CCDC47: variants seen among roughly 807,000 people sequenced by gnomAD.
The protein encoded by CCDC47 is PAT complex subunit CCDC47.
A neutral mutation model predicts 60.5 loss-of-function variants in CCDC47; 41 were observed. The ratio of observed to expected loss-of-function variants is 0.68; its 90% confidence interval spans 0.53 to 0.88. The LOEUF is 0.88. Among genes scored for constraint, CCDC47 ranks in the 40% least tolerant of loss-of-function variants. CCDC47 has a pLI of 0.00. For synonymous variants in CCDC47, 195 were observed against 190.7 expected (o/e 1.02, Z -0.18); for missense variants, 513 against 580.9 (o/e 0.88, Z 1.20).
intron 12 of CCDC47, chr17:63,747,453 C>T (rs2039129336): frequency 1.0e-6 from 1 of 982,270 alleles, no homozygotes; most frequent in African/African-American, 1.7e-5. Flanking sequence ...ATTCATAATG[C>T]TCTATTTGAG....
intron 5 of CCDC47, 91 bp downstream of exon 5, chr17:63,761,139 G>A (rs747092589): frequency 9.2e-6 from 14 of 1,519,544 alleles, no homozygotes; most frequent in Non-Finnish European, 1.3e-5. Context: ...AGTCAAACAT[G>A]AAGGGATAAG....
intron 1 of CCDC47, among the ~76,000 whole-genome samples, chr17:63,768,176 T>G (rs527859418): frequency 6.6e-5 from 10 of 152,348 alleles, no homozygotes; most frequent in African/African-American, 2.4e-4. Flanking sequence ...ATTCACTGCT[T>G]TTCACAATGA....
chr17:63,766,153 C>A lies in CCDC47; in HGVS notation c.23G>T (p.Cys8Phe), dbSNP rs1799470462. Residue 8 changes from cysteine to phenylalanine, a missense_variant, in exon 2 of 13, where the codon TGT becomes TTT. Cys to Phe is a radical substitution (Grantham distance 205). Transcript: ENST00000225726. Reference sequence around the variant, plus strand: ...ACTCCCAAACACCAGAAGGACAACACAGAAAGTGTGGAAGGCTTTCATTGC... The same window carrying A: ...ACTCCCAAACACCAGAAGGACAACAAAGAAAGTGTGGAAGGCTTTCATTGC... MKAFHTFCVVLLVFGSVS... is the reference protein window; with the variant it reads MKAFHTFFVVLLVFGSVS... 6.2e-7 allele frequency: 1 copy of A among 1,612,922 alleles called. No homozygotes were observed. The highest frequency in any genetic ancestry group is 8.5e-7 in the Non-Finnish European group (1 of 1,179,668).
At chr17:63,760,550 C>A (rs1231605884) in intron 6 of CCDC47, among the ~76,000 whole-genome samples, 1 of 152,172 alleles carries the variant, frequency 6.6e-6, no homozygotes, top group African/African-American at 2.4e-5. Flanking sequence ...GGAAATAATT[C>A]AGTCTGGGGA....
chr17:63,752,739 A>C lies in CCDC47; in HGVS notation c.1093+2T>G. On this transcript the variant is annotated splice_donor_variant, in intron 10 of 12. Coordinates refer to ENST00000225726, the MANE Select transcript of CCDC47 (RefSeq NM_020198.3). LOFTEE classifies it high-confidence loss of function. ...AACCCAGAAAGGACCCAGAATACTT[A>C]CCATTAAATGTAAACAACAGTGTCC... 6.2e-7 allele frequency: 1 copy of C among 1,610,658 alleles called. No homozygotes were observed. The highest frequency in any genetic ancestry group is 8.5e-7 in the Non-Finnish European group (1 of 1,178,704).
At chr17:63,755,036 T>C (rs954947411) in intron 8 of CCDC47, among the ~76,000 whole-genome samples, 5 of 152,120 alleles carry the variant, frequency 3.3e-5, no homozygotes, top group Non-Finnish European at 7.4e-5. Flanking sequence ...AGTGGCACAA[T>C]CATAGCTTAC....
intron 6 of CCDC47, among the ~76,000 whole-genome samples, chr17:63,757,197 C>CA (rs201632430): frequency 0.049 from 4,910 of 99,810 alleles, 343 homozygotes; most frequent in African/African-American, 0.17. Flanking sequence ...CCCATCTGTA[C>CA]AAAAAAAAAA....
rs1187416182 is a variant in CCDC47, at chr17:63,745,526, CT to C, written c.*1354del. ...ACTGTTAAAAATATTACATTTGCAT[CT>C]CTCAGTTTACATATTTCTGTATTAA... On this transcript the variant is annotated 3_prime_UTR_variant, in exon 13 of 13. Coordinates refer to ENST00000225726, the MANE Select transcript of CCDC47 (RefSeq NM_020198.3). The C allele has an allele frequency of 6.6e-6, 1 of 152,186 alleles. No homozygotes were observed. The highest frequency in any genetic ancestry group is 1.5e-5 in the Non-Finnish European group (1 of 68,030). 9.4% of individuals were successfully genotyped at this position (152,186 alleles called of 1,614,324 possible). A position where few individuals can be genotyped will look rare whatever the true frequency, so the allele number is the denominator to read the frequency against.
At position 63,765,687 on chromosome 17, in the gene CCDC47, A is replaced by G. The variant is rs993277601; in HGVS notation, c.264+225T>C. On this transcript the variant is annotated intron_variant, in intron 2 of 12. Coordinates refer to ENST00000225726, the MANE Select transcript of CCDC47 (RefSeq NM_020198.3). ...CAATTCTCACCCACAAACAGTATCTATTCTCTAACCCCTCTTCCAGTCAGG... is the reference window on the plus strand; with the variant it reads ...CAATTCTCACCCACAAACAGTATCTGTTCTCTAACCCCTCTTCCAGTCAGG... The G allele has an allele frequency of 2.2e-6, 3 of 1,350,148 alleles. No individual in the cohort carries two copies. In the African/African-American group the frequency reaches 4.5e-5, roughly 20 times the overall value. 83.6% of individuals were successfully genotyped at this position (1,350,148 alleles called of 1,614,324 possible).
Position 63,772,250 on chromosome 17 carries a change from G to GTTTTT in CCDC47, c.-20+1157_-20+1161dup, listed in dbSNP as rs34509265. Reference sequence around the variant, plus strand: ...GTATTACGGGAGATATGTACCAAGGGTTTTTTTTTTTTTTTTTTTTTGAGA... The same window carrying GTTTTT: ...GTATTACGGGAGATATGTACCAAGGGTTTTTTTTTTTTTTTTTTTTTTTTTTGAGA... On this transcript the variant is annotated intron_variant, in intron 1 of 12. Coordinates refer to ENST00000225726, the MANE Select transcript of CCDC47 (RefSeq NM_020198.3). Among the ~76,000 whole-genome samples, 5 of 90,534 alleles carry GTTTTT rather than the reference G, an allele frequency of 5.5e-5. 1 individual carries two copies. The highest frequency in any genetic ancestry group is 6.0e-5 in the Non-Finnish European group (3 of 50,068). The allele number at this position is 90,534 out of a possible 152,430, so 59.4% of individuals were successfully genotyped here. A position where few individuals can be genotyped will look rare whatever the true frequency, so the allele number is the denominator to read the frequency against.
chr17:63,762,408 G>T (rs2039268050), intron 4 of CCDC47, among the ~76,000 whole-genome samples: 1 of 152,160 alleles, frequency 6.6e-6, no homozygotes, highest in South Asian at 2.1e-4. Context: ...CAATTTAACA[G>T]CTTAGATAAG....
chr17:63,771,381 T>C (rs1392973669), intron 1 of CCDC47, among the ~76,000 whole-genome samples: 1 of 152,162 alleles, frequency 6.6e-6, no homozygotes, highest in Non-Finnish European at 1.5e-5. Context: ...TCCATGGATT[T>C]TGGTATTCTC....
chr17:63,756,404 C>T, intron 7 of CCDC47, 54 bp from the exon 8 acceptor site: 1 of 1,578,900 alleles, frequency 6.3e-7, no homozygotes, highest in Non-Finnish European at 8.7e-7. Flanking sequence ...TGCAATGAAG[C>T]TGAATATGTG....
At chr17:63,761,115 T>C in intron 5 of CCDC47, 115 bp downstream of exon 5, 1 of 1,445,572 alleles carries the variant, frequency 6.9e-7, no homozygotes, top group Non-Finnish European at 9.7e-7. Flanking sequence ...ATATCACTTT[T>C]AGACCTCATT....
chr17:63,760,479 C>A (rs1363672633), intron 6 of CCDC47, among the ~76,000 whole-genome samples: 2 of 152,108 alleles, frequency 1.3e-5, no homozygotes, highest in Non-Finnish European at 2.9e-5. Flanking sequence ...CATTTTTTGT[C>A]AAGGGACATA....
At chr17:63,761,160 G>T in intron 5 of CCDC47, 70 bp downstream of exon 5, 2 of 1,576,060 alleles carry the variant, frequency 1.3e-6, no homozygotes, top group South Asian at 1.1e-5. Context: ...ATGCTGAATT[G>T]GGGGGCTGGG....
chr17:63,746,977 G>C lies in CCDC47; in HGVS notation c.1372-16C>G. 1 of 1,612,202 alleles carries C rather than the reference G, an allele frequency of 6.2e-7. No homozygotes were observed. The highest frequency in any genetic ancestry group is 8.5e-7 in the Non-Finnish European group (1 of 1,178,878). ...ATGCAGCCTCCTAGAGAAAGAAGGGGTAATAAATAGAGAAAGGGAGTGGGG... is the reference window on the plus strand; with the variant it reads ...ATGCAGCCTCCTAGAGAAAGAAGGGCTAATAAATAGAGAAAGGGAGTGGGG... On this transcript the variant is annotated splice_polypyrimidine_tract_variant and intron_variant, in intron 12 of 12. Coordinates refer to ENST00000225726, the MANE Select transcript of CCDC47 (RefSeq NM_020198.3).
intron 1 of CCDC47, among the ~76,000 whole-genome samples, chr17:63,768,815 C>T (rs576048961): frequency 6.6e-6 from 1 of 151,872 alleles, no homozygotes; most frequent in African/African-American, 2.4e-5. Flanking sequence ...CCAAGTCTCA[C>T]GCTCATTCCT....
At chr17:63,770,556 T>C (rs1020683232) in intron 1 of CCDC47, among the ~76,000 whole-genome samples, 2 of 152,210 alleles carry the variant, frequency 1.3e-5, no homozygotes, top group Admixed American at 6.5e-5. Flanking sequence ...GGGAAATATG[T>C]ACTACTCTTT....
Sources: gnomAD v4.1 joint callset for allele counts (sites outside exome capture counted in the v4.1 genomes callset) on GRCh38, gnomAD v4.1.1 for gene constraint, MANE v1.5 for transcripts, NCBI Gene and HGNC (gene_info 2026-07-23, HGNC 2026-07-21) for gene names.